Variants in KALRN observed in about 807,000 individuals in gnomAD.
The protein encoded by KALRN is kalirin.
Under a neutral mutation model 353.7 loss-of-function variants are expected in KALRN, and 70 were observed. The observed-to-expected ratio is 0.20, with a 90% CI of 0.16 to 0.24. The LOEUF (loss-of-function observed/expected upper bound fraction) is 0.24, where lower values mean the gene tolerates loss of function less well. Ranked by LOEUF, KALRN falls within the 10% of genes least tolerant of loss-of-function variation. KALRN has a pLI of 1.00. For missense variants in KALRN, 2,791 were observed against 3,756.7 expected, an observed-to-expected ratio of 0.74 and a Z score of 6.72; for synonymous variants, 1,391 against 1,434.8, an observed-to-expected ratio of 0.97 and a Z score of 0.69.
intron 32 of KALRN, among the ~76,000 whole-genome samples, 195 bp downstream of exon 32, chr3:124,493,077 G>A (rs2063341961): frequency 6.6e-6 from 1 of 152,178 alleles, no homozygotes; most frequent in African/African-American, 2.4e-5. Context: ...GCTTCATTGA[G>A]CACCTCTTAT....
intron 34 of KALRN, among the ~76,000 whole-genome samples, chr3:124,605,709 G>A (rs571070200): frequency 1.3e-5 from 2 of 152,204 alleles, no homozygotes; most frequent in African/African-American, 2.4e-5. Flanking sequence ...TTGGATATTG[G>A]TTCTGTCCCC....
intron 33 of KALRN, among the ~76,000 whole-genome samples, chr3:124,530,665 G>A (rs551029500): frequency 4.6e-5 from 7 of 152,140 alleles, no homozygotes; most frequent in Non-Finnish European, 7.4e-5. Context: ...ATTACAAGCC[G>A]GGTTGTTTTA....
chr3:124,270,824 G>GTTTTTGTTTTTTTTTTTTTTTTT (rs1553885288), intron 5 of KALRN, among the ~76,000 whole-genome samples: 1 of 78,654 alleles, frequency 1.3e-5, no homozygotes, highest in African/African-American at 5.2e-5. Context: ...TTTTTGTTTT[G>GTTTTTGTTTTTTTTTTTTTTTTT]TTTTTTTTTT....
chr3:124,395,042 A>T, intron 11 of KALRN, 93 bp from the exon 12 acceptor site: 1 of 900,856 alleles, frequency 1.1e-6, no homozygotes, highest in African/African-American at 1.6e-5. Flanking sequence ...GGTTGAGAGT[A>T]AGTTGGGTGA....
At chr3:124,689,340 G>C (rs1022416011) in intron 51 of KALRN, among the ~76,000 whole-genome samples, 1 of 151,990 alleles carries the variant, frequency 6.6e-6, no homozygotes, top group Non-Finnish European at 1.5e-5. Flanking sequence ...TCAGCTTCCC[G>C]AGTAGCTGTG....
At chr3:124,543,441 A>C (rs2069273292) in intron 33 of KALRN, among the ~76,000 whole-genome samples, 1 of 151,796 alleles carries the variant, frequency 6.6e-6, no homozygotes, top group East Asian at 1.9e-4. Flanking sequence ...AGCTGGGACT[A>C]CAGGCACCCA....
chr3:124,182,444 G>A (rs555568466), intron 1 of KALRN, among the ~76,000 whole-genome samples: 17 of 152,294 alleles, frequency 1.1e-4, no homozygotes, highest in Admixed American at 3.9e-4. Flanking sequence ...TTGTTGCAGA[G>A]GCTGATCTCT....
intron 33 of KALRN, among the ~76,000 whole-genome samples, chr3:124,498,026 T>A (rs1405107255): frequency 6.6e-6 from 1 of 152,172 alleles, no homozygotes; most frequent in African/African-American, 2.4e-5. Context: ...GTCCTAGTAC[T>A]TAGACTTTAT....
intron 36 of KALRN, among the ~76,000 whole-genome samples, chr3:124,636,291 A>G (rs1283206869): frequency 6.6e-6 from 1 of 152,168 alleles, no homozygotes; most frequent in African/African-American, 2.4e-5. Context: ...AGCACACACA[A>G]ACGGTGCAGG....
At chr3:124,217,381 G>T (rs1336871919) in intron 1 of KALRN, among the ~76,000 whole-genome samples, 1 of 152,166 alleles carries the variant, frequency 6.6e-6, no homozygotes, top group African/African-American at 2.4e-5. Flanking sequence ...GATATGGTTA[G>T]CCAATTTATC....
At chr3:124,539,597 G>T (rs922641716) in intron 33 of KALRN, among the ~76,000 whole-genome samples, 1 of 152,140 alleles carries the variant, frequency 6.6e-6, no homozygotes, top group African/African-American at 2.4e-5. Context: ...GTGAGGTGCT[G>T]AATAAAGAAA....
intron 3 of KALRN, among the ~76,000 whole-genome samples, chr3:124,240,939 T>C (rs1358813242): frequency 6.6e-6 from 1 of 152,154 alleles, no homozygotes; most frequent in African/African-American, 2.4e-5. Flanking sequence ...AGGTCAGTAA[T>C]AGTAATAATG....
In KALRN at chr3:124,492,832, G is replaced by T; in HGVS notation, c.4782G>T (p.Glu1594Asp). Residue 1594 changes from glutamate to aspartate, a missense_variant, in exon 32 of 60, where the codon GAG becomes GAT. Physicochemically the swap from Glu to Asp is conservative, Grantham distance 45. This residue lies in a region of KALRN where 239 missense variants were observed against 351.3 expected (regional missense o/e 0.68). Transcript: ENST00000682506. Reference protein sequence around the residue: ...RIIHLKGALKEPLQLPKTPAK... With the variant: ...RIIHLKGALKDPLQLPKTPAK... ...TTCACCTGAAAGGAGCTTTAAAGGA[G>T]CCACTTCAGCTCCCCAAAACACCAG... is the stretch of plus-strand genomic sequence containing the variant. 2 of 1,614,124 alleles carry T rather than the reference G, an allele frequency of 1.2e-6. No individual in the cohort carries two copies. Among genetic ancestry groups the T allele is most frequent in the Non-Finnish European group, 1.7e-6 (2 of 1,179,990 alleles).
intron 1 of KALRN, among the ~76,000 whole-genome samples, chr3:124,198,019 T>TA (rs753150924): frequency 1.3e-5 from 2 of 152,160 alleles, no homozygotes; most frequent in Non-Finnish European, 2.9e-5. Context: ...GTATGATTTT[T>TA]AAAAAACAAT....
intron 47 of KALRN, among the ~76,000 whole-genome samples, chr3:124,670,650 C>T (rs942708612): frequency 6.6e-6 from 1 of 152,186 alleles, no homozygotes; most frequent in Non-Finnish European, 1.5e-5. Flanking sequence ...CTCTGGGCCC[C>T]AGCTGTTAAC....
intron 1 of KALRN, chr3:124,094,607 C>T (rs1359690784): frequency 3.5e-6 from 2 of 573,840 alleles, no homozygotes; most frequent in East Asian, 5.8e-5. Flanking sequence ...CAGGCAGGCT[C>T]GGTCTGCACA....
At chr3:124,182,250 T>C (rs2073700168) in intron 1 of KALRN, among the ~76,000 whole-genome samples, 1 of 152,200 alleles carries the variant, frequency 6.6e-6, no homozygotes, top group Non-Finnish European at 1.5e-5. Flanking sequence ...TCTGACAATT[T>C]CTGTGGTTCA....
At chr3:124,619,972 A>G (rs1282938400) in intron 34 of KALRN, among the ~76,000 whole-genome samples, 1 of 148,126 alleles carries the variant, frequency 6.8e-6, no homozygotes. Flanking sequence ...TAGTGAAACC[A>G]TTTTGGTTTT....
At chr3:124,185,858 A>T (rs1579109195) in intron 1 of KALRN, among the ~76,000 whole-genome samples, 1 of 152,276 alleles carries the variant, frequency 6.6e-6, no homozygotes, top group East Asian at 1.9e-4. Flanking sequence ...TGTCAAGGCC[A>T]CTGGTATACT....
Sources: gnomAD v4.1 joint callset for allele counts (sites outside exome capture counted in the v4.1 genomes callset) on GRCh38, gnomAD v4.1.1 for gene constraint, gnomAD v4.1.1 regional missense constraint, MANE v1.5 for transcripts, NCBI Gene and HGNC (gene_info 2026-07-23, HGNC 2026-07-21) for gene names.